Variants in COL21A1 observed in about 807,000 individuals in gnomAD.
The protein encoded by COL21A1 is collagen alpha-1(XXI) chain.
In COL21A1, 149 loss-of-function variants were observed where a neutral mutation model predicts 137.9. The observed-to-expected ratio is 1.08, with a 90% confidence interval of 0.95 to 1.24. The LOEUF is 1.24. COL21A1 is among the 50% of genes most tolerant of loss of function. The probability of loss-of-function intolerance (pLI) is 0.00; values close to 1 mark genes in which losing one functional copy is unlikely to be tolerated. For missense variants in COL21A1, 1,167 were observed against 1,158.4 expected (o/e 1.01, Z -0.11); for synonymous variants, 456 against 391.5 (o/e 1.16, Z -1.95).
chr6:56,167,647 G>C lies in COL21A1; in HGVS notation c.1200+477C>G, dbSNP rs915521235. Among the ~76,000 whole-genome samples the C allele has an allele frequency of 1.5e-4, 23 of 152,068 alleles. 1 individual carries two copies. The highest frequency in any genetic ancestry group is 2.9e-5 in the Non-Finnish European group (2 of 67,970). Reference sequence around the variant, plus strand: ...CTCCAGTTTAAGGAGGTATCAAAAAGTCAAAACAAAACTTCTGTAGGTATA... The same window carrying C: ...CTCCAGTTTAAGGAGGTATCAAAAACTCAAAACAAAACTTCTGTAGGTATA... On this transcript the variant is annotated intron_variant, in intron 6 of 29. Transcript: ENST00000244728.
chr6:56,389,579 A>T (rs1253455343), intron 1 of COL21A1, among the ~76,000 whole-genome samples: 1 of 152,230 alleles, frequency 6.6e-6, no homozygotes, highest in Non-Finnish European at 1.5e-5. Context: ...ATCTAGGTAC[A>T]AAAAGGTTAT....
At chr6:56,364,549 G>A (rs1467199051) in intron 1 of COL21A1, among the ~76,000 whole-genome samples, 1 of 152,142 alleles carries the variant, frequency 6.6e-6, no homozygotes, top group Non-Finnish European at 1.5e-5. Context: ...CCATCTGAAT[G>A]GCACAGGCAG....
intron 9 of COL21A1, among the ~76,000 whole-genome samples, chr6:56,158,246 GTTTTTTCTTTTTTTTTTTTCTTTT>G (rs1285426955): frequency 4.0e-5 from 4 of 98,990 alleles, no homozygotes; most frequent in African/African-American, 1.6e-4. Context: ...TCACTCGTGG[GTTTTTTCTTTTTTTTTTTTCTTTT>G]TTTTTTTTTT....
chr6:56,268,641 T>C (rs1022896585), intron 1 of COL21A1, among the ~76,000 whole-genome samples: 2 of 152,162 alleles, frequency 1.3e-5, no homozygotes, highest in African/African-American at 4.8e-5. Context: ...CAATTGACTA[T>C]ACTCAACTTA....
intron 1 of COL21A1, among the ~76,000 whole-genome samples, chr6:56,289,218 A>G (rs4388289): frequency 0.99 from 151,088 of 152,336 alleles, 74,935 homozygotes; most frequent in Middle Eastern, 1. Flanking sequence ...GATATGCATT[A>G]AGCACCATGC....
intron 1 of COL21A1, among the ~76,000 whole-genome samples, chr6:56,327,270 T>C (rs1765117555): frequency 6.6e-6 from 1 of 151,726 alleles, no homozygotes. Flanking sequence ...ATAAAATATT[T>C]AAAATGTTAA....
chr6:56,360,572 T>A (rs1765942406), intron 1 of COL21A1, among the ~76,000 whole-genome samples: 1 of 152,162 alleles, frequency 6.6e-6, no homozygotes, highest in African/African-American at 2.4e-5. Context: ...GTTGCCAGCA[T>A]GAATTTAAAA....
intron 10 of COL21A1, among the ~76,000 whole-genome samples, chr6:56,153,326 A>T (rs113158019): frequency 0.014 from 2,200 of 152,254 alleles, 33 homozygotes; most frequent in Middle Eastern, 0.037. Flanking sequence ...CACACTCTCC[A>T]TCCAGGCCAA....
chr6:56,091,421 C>T (rs1010889502), intron 17 of COL21A1: 4 of 152,572 alleles, frequency 2.6e-5, no homozygotes, highest in Non-Finnish European at 5.9e-5. Flanking sequence ...TGTCTTTATT[C>T]CTGGAAAAAT....
chr6:56,132,253 T>C (rs1258541576), intron 12 of COL21A1, among the ~76,000 whole-genome samples: 1 of 152,104 alleles, frequency 6.6e-6, no homozygotes, highest in Non-Finnish European at 1.5e-5. Flanking sequence ...AGCCATAATC[T>C]TGAATAGCAA....
intron 1 of COL21A1, among the ~76,000 whole-genome samples, chr6:56,260,057 A>G (rs1162114371): frequency 6.6e-6 from 1 of 152,232 alleles, no homozygotes; most frequent in East Asian, 1.9e-4. Flanking sequence ...CTACCTCCCC[A>G]CCACACACAT....
At chr6:56,224,169 C>T (rs535324799) in intron 1 of COL21A1, among the ~76,000 whole-genome samples, 1 of 152,090 alleles carries the variant, frequency 6.6e-6, no homozygotes, top group Non-Finnish European at 1.5e-5. Context: ...TTCCATATCA[C>T]CCCACGGGGC....
intron 16 of COL21A1, among the ~76,000 whole-genome samples, chr6:56,115,217 C>A (rs958426093): frequency 6.6e-6 from 1 of 150,892 alleles, no homozygotes; most frequent in Admixed American, 6.6e-5. Context: ...GTGGGTGCAG[C>A]GCACCAGCAT....
At chr6:56,059,578 A>G (rs1241588967) in intron 28 of COL21A1, among the ~76,000 whole-genome samples, 1 of 152,202 alleles carries the variant, frequency 6.6e-6, no homozygotes, top group Non-Finnish European at 1.5e-5. Context: ...TTATCAATCA[A>G]CATTTCACAT....
intron 1 of COL21A1, among the ~76,000 whole-genome samples, chr6:56,310,321 AC>A (rs1201680232): frequency 6.6e-6 from 1 of 152,162 alleles, no homozygotes; most frequent in Admixed American, 6.5e-5. Context: ...GGGTCTCAAC[AC>A]CAGCCGCACA....
chr6:56,385,339 T>C (rs946291562), intron 1 of COL21A1, among the ~76,000 whole-genome samples: 1 of 152,186 alleles, frequency 6.6e-6, no homozygotes, highest in Non-Finnish European at 1.5e-5. Flanking sequence ...CTCACTAGCT[T>C]AAAATCAAAG....
chr6:56,368,157 T>C (rs867626602), intron 1 of COL21A1, among the ~76,000 whole-genome samples: 2 of 152,186 alleles, frequency 1.3e-5, no homozygotes, highest in Non-Finnish European at 2.9e-5. Flanking sequence ...CAACAAGCTG[T>C]CCTTTGACTC....
intron 1 of COL21A1, among the ~76,000 whole-genome samples, chr6:56,196,971 A>T (rs762236448): frequency 3.3e-5 from 5 of 152,104 alleles, no homozygotes; most frequent in Non-Finnish European, 7.4e-5. Context: ...ACACTTCCTG[A>T]TTCAAGTTAT....
intron 1 of COL21A1, among the ~76,000 whole-genome samples, chr6:56,373,893 G>A (rs370159236): frequency 4.6e-5 from 7 of 152,032 alleles, no homozygotes; most frequent in Admixed American, 2.0e-4. Context: ...ACATCTCCTC[G>A]TAAACAGGCT....
Sources: gnomAD v4.1 joint callset for allele counts (sites outside exome capture counted in the v4.1 genomes callset) on GRCh38, gnomAD v4.1.1 for gene constraint, MANE v1.5 for transcripts, NCBI Gene and HGNC (gene_info 2026-07-23, HGNC 2026-07-21) for gene names.